Variants in EVC observed in about 807,000 individuals in gnomAD.
The protein encoded by EVC is EvC ciliary complex subunit 1.
Under a neutral mutation model 118.9 loss-of-function variants are expected in EVC, and 116 were observed. That is an observed-to-expected ratio of 0.98 (90% confidence interval 0.84 to 1.14). The LOEUF (loss-of-function observed/expected upper bound fraction) is 1.14. EVC is among the 50% of genes most tolerant of loss of function. The probability of loss-of-function intolerance (pLI) is 0.00; values close to 1 mark genes in which losing one functional copy is unlikely to be tolerated. For missense variants in EVC, 1,401 were observed against 1,246.4 expected, an observed-to-expected ratio of 1.12 and a Z score of -1.87; for synonymous variants, 619 against 534.7, an observed-to-expected ratio of 1.16 and a Z score of -2.18.
rs1310739043 is a variant in EVC at position 5,746,461 on chromosome 4, G to A, written c.939+1120G>A. On this transcript the variant is annotated intron_variant, in intron 7 of 20. Transcript: ENST00000264956. The surrounding 1 kb of genome is among the most constrained non-coding windows in gnomAD (Gnocchi z 5.8). Reference sequence around the variant, plus strand: ...GCCCCAGAGCAAGATGCTCATGGGAGGGAGGGAGCCAATGCTCCTGTCCTC... The same window carrying A: ...GCCCCAGAGCAAGATGCTCATGGGAAGGAGGGAGCCAATGCTCCTGTCCTC... Among the ~76,000 whole-genome samples, 1 of 152,208 alleles carries A rather than the reference G, an allele frequency of 6.6e-6. No individual in the cohort carries two copies. The highest frequency in any genetic ancestry group is 1.5e-5 in the Non-Finnish European group (1 of 68,044).
chr4:5,757,839 A>C (rs1181700515), intron 11 of EVC, among the ~76,000 whole-genome samples: 1 of 147,066 alleles, frequency 6.8e-6, no homozygotes, highest in East Asian at 1.9e-4. Flanking sequence ...TTGATTACTT[A>C]ATTACCTCCA....
At chr4:5,825,071 G>T in the EVC span, 1 of 985,398 alleles carries the variant, frequency 1.0e-6, no homozygotes, top group East Asian at 1.1e-4. The surrounding 1 kb of genome is among the most constrained non-coding windows in gnomAD (Gnocchi z 4.4). Context: ...GGTTATGAAA[G>T]TGCTTAGTAC....
chr4:5,741,420 G>A (rs1560314735), intron 5 of EVC, among the ~76,000 whole-genome samples: 1 of 152,212 alleles, frequency 6.6e-6, no homozygotes, highest in African/African-American at 2.4e-5. Context: ...GGAAATGGGG[G>A]ATGTGGAGGG....
chr4:5,713,174 A>T (rs1723322067), intron 1 of EVC, among the ~76,000 whole-genome samples: 1 of 152,234 alleles, frequency 6.6e-6, no homozygotes, highest in African/African-American at 2.4e-5. Context: ...ATGGTGGCTC[A>T]GACCAGGGTG....
chr4:5,800,628 G>A (rs1434206702), intron 15 of EVC, among the ~76,000 whole-genome samples: 1 of 152,128 alleles, frequency 6.6e-6, no homozygotes, highest in Non-Finnish European at 1.5e-5. Context: ...ATGTGGGTGG[G>A]CTTGCTGACC....
intron 1 of EVC, among the ~76,000 whole-genome samples, chr4:5,716,327 C>T (rs1420689277): frequency 6.6e-6 from 1 of 152,202 alleles, no homozygotes; most frequent in East Asian, 1.9e-4. Flanking sequence ...AAGGGCCAGA[C>T]ATCTTGAAGT....
chr4:5,781,747 A>C (rs780191530), intron 11 of EVC, among the ~76,000 whole-genome samples: 1 of 152,104 alleles, frequency 6.6e-6, no homozygotes, highest in Non-Finnish European at 1.5e-5. Context: ...GGCTGAGGTG[A>C]GAGGGTCACC....
intron 5 of EVC, among the ~76,000 whole-genome samples, chr4:5,741,278 A>G (rs1331773129): frequency 6.6e-6 from 1 of 152,228 alleles, no homozygotes; most frequent in Non-Finnish European, 1.5e-5. Context: ...CCTAGTTTAA[A>G]GGACATCTCC....
At chr4:5,783,464 G>A in intron 11 of EVC, 88 bp from the exon 12 acceptor site, 2 of 1,256,460 alleles carry the variant, frequency 1.6e-6, no homozygotes, top group Non-Finnish European at 2.3e-6. Flanking sequence ...TCTTGTGGGA[G>A]GCTTGTGGAG....
rs1716304198 is a variant in EVC at position 5,808,204 on chromosome 4, G to A, written c.2565G>A (p.Met855Ile). 1 of 1,376,334 alleles carries A rather than the reference G, an allele frequency of 7.3e-7. No individual in the cohort carries two copies. The highest frequency in any genetic ancestry group is 9.6e-7 in the Non-Finnish European group (1 of 1,039,972). 85.3% of individuals were successfully genotyped at this position (1,376,334 alleles called of 1,614,324 possible). A position where few individuals can be genotyped will look rare whatever the true frequency, so the allele number is the denominator to read the frequency against. Residue 855 changes from methionine to isoleucine, a missense_variant, in exon 18 of 21, where the codon ATG (methionine) becomes ATA (isoleucine). Physicochemically the swap from Met to Ile is conservative, Grantham distance 10. Coordinates refer to ENST00000264956, the MANE Select transcript of EVC (RefSeq NM_153717.3). Reference protein sequence around the residue: ...HETSQAVHQRMLSQQKRFLAQ... With the variant: ...HETSQAVHQRILSQQKRFLAQ... ...CTGCCTGCCTTCCTCCCCCCAGGAT[G>A]CTGTCCCAGCAGAAGAGGTTCCTGG... is the stretch of plus-strand genomic sequence containing the variant.
In EVC at chr4:5,811,390, G is replaced by A; in HGVS notation, c.*353G>A. The A allele has an allele frequency of 3.0e-6, 1 of 334,780 alleles. No homozygotes were observed. Among genetic ancestry groups the A allele is most frequent in the South Asian group, 2.8e-5 (1 of 36,032 alleles). The allele number at this position is 334,780 out of a possible 1,614,324, so 20.7% of individuals were successfully genotyped here. ...CAGACTCTGGAATCCCTGGCCCAAA[G>A]GCCTGTCTGGGCCCATCTGGGGCTG... is the stretch of plus-strand genomic sequence containing the variant. On this transcript the variant is annotated 3_prime_UTR_variant, in exon 21 of 21. Transcript: ENST00000264956.
chr4:5,748,087 C>CGTGTG, intron 7 of EVC, 61 bp from the exon 8 acceptor site: 1 of 1,579,210 alleles, frequency 6.3e-7, no homozygotes, highest in Non-Finnish European at 8.7e-7. Flanking sequence ...GAGCACGCAC[C>CGTGTG]GTTTGGCTTT....
rs140615894 is a variant in EVC at position 5,719,304 on chromosome 4, G to A, written c.231G>A (p.Ser77=). 12 of 1,614,170 alleles carry A rather than the reference G, an allele frequency of 7.4e-6. No homozygotes were observed. The highest frequency in any genetic ancestry group is 2.2e-5 in the East Asian group (1 of 44,872). The change falls in exon 2 of 21, where the codon TCG becomes TCA. Residue 77 remains serine (S), a synonymous_variant. Transcript: ENST00000264956. The surrounding 1 kb of genome is among the most constrained non-coding windows in gnomAD (Gnocchi z 4.7). Reference sequence around the variant, plus strand: ...TGGAGTCTAATGCGCAGACCCCCTCGGAAACTGGCTCCCCATCAAGGAGGA... The same window carrying A: ...TGGAGTCTAATGCGCAGACCCCCTCAGAAACTGGCTCCCCATCAAGGAGGA... ...KNLESNAQTP[S]ETGSPSRRRK...
At chr4:5,717,470 G>A (rs1257176818) in intron 1 of EVC, among the ~76,000 whole-genome samples, 1 of 152,108 alleles carries the variant, frequency 6.6e-6, no homozygotes, top group Non-Finnish European at 1.5e-5. Flanking sequence ...TGATGCTGAT[G>A]CTCCCTCTGT....
intron 11 of EVC, among the ~76,000 whole-genome samples, chr4:5,777,056 A>G (rs7680147): frequency 0.089 from 13,432 of 151,654 alleles, 666 homozygotes; most frequent in Middle Eastern, 0.14. Flanking sequence ...GTCTTTGATC[A>G]TGTTACCTTA....
At chr4:5,729,920 G>T (rs1040375740) in intron 3 of EVC, among the ~76,000 whole-genome samples, 8 of 152,238 alleles carry the variant, frequency 5.3e-5, no homozygotes, top group African/African-American at 1.9e-4. Flanking sequence ...GCCAGAGTCA[G>T]ACCCCAACAC....
intron 1 of EVC, among the ~76,000 whole-genome samples, chr4:5,712,047 G>C (rs1280434448): frequency 1.3e-5 from 2 of 152,238 alleles, no homozygotes; most frequent in African/African-American, 4.8e-5. Context: ...TCTACAGCCA[G>C]TCACTGGCCT....
At chr4:5,782,762 C>T (rs1006959125) in intron 11 of EVC, among the ~76,000 whole-genome samples, 1 of 152,124 alleles carries the variant, frequency 6.6e-6, no homozygotes. Flanking sequence ...GTGAGGGGAA[C>T]AGAGGTCTTC....
At position 5,811,034 on chromosome 4, in the gene EVC, G is replaced by T; in HGVS notation, c.2976G>T (p.Leu992Phe). ...AGATGCTAAAGAGAAGAAGCAACTTGTAGTTTAAGACCAGTCGGTGGGACA... is the reference window on the plus strand; with the variant it reads ...AGATGCTAAAGAGAAGAAGCAACTTTTAGTTTAAGACCAGTCGGTGGGACA... ...SKKMLKRRSNL is the reference protein window; with the variant it reads ...SKKMLKRRSNF Residue 992 changes from leucine (L) to phenylalanine (F), a missense_variant, in exon 21 of 21, where the codon TTG becomes TTT. By Grantham distance (22) the Leu-to-Phe change is conservative (BLOSUM62 0). Transcript: ENST00000264956. 6.2e-7 allele frequency: 1 copy of T among 1,610,538 alleles called. No individual in the cohort carries two copies. Among genetic ancestry groups the T allele is most frequent in the Non-Finnish European group, 8.5e-7 (1 of 1,178,054 alleles).
Sources: gnomAD v4.1 joint callset for allele counts (sites outside exome capture counted in the v4.1 genomes callset) on GRCh38, gnomAD v4.1.1 for gene constraint, Gnocchi (gnomAD v3.1) non-coding constraint, MANE v1.5 for transcripts, NCBI Gene and HGNC (gene_info 2026-07-23, HGNC 2026-07-21) for gene names.